Variants in DST observed in about 807,000 individuals in gnomAD.
The protein encoded by DST is dystonin, also known as bullous pemphigoid antigen.
DST carries 253 observed loss-of-function variants against 875.2 expected under a neutral mutation model. That is an observed-to-expected ratio of 0.29 (90% CI 0.26 to 0.32). The LOEUF is 0.32. Ranked by LOEUF, DST falls within the 10% of genes least tolerant of loss-of-function variation. The pLI is 1.00. For synonymous variants in DST, 3,124 were observed against 3,197.1 expected (o/e 0.98, Z 0.77); for missense variants, 8,287 against 9,111.6 (o/e 0.91, Z 3.68).
chr6:56,495,853 G>A (rs1470376635), intron 82 of DST, among the ~76,000 whole-genome samples: 4 of 152,028 alleles, frequency 2.6e-5, no homozygotes, highest in African/African-American at 9.7e-5. Context: ...AAATAAATAT[G>A]ATGCTACCTA....
rs760581388 is a variant in DST at position 56,530,145 on chromosome 6, C to T, written c.17109-12G>A. The T allele has an allele frequency of 3.2e-5, 50 of 1,558,442 alleles. No homozygotes were observed. Among genetic ancestry groups the T allele is most frequent in the Non-Finnish European group, 4.3e-5 (50 of 1,155,706 alleles). On this transcript the variant is annotated splice_polypyrimidine_tract_variant and intron_variant, in intron 64 of 103. Transcript: ENST00000680361. ...CCAACTGACGATTCCTACAAATGTG[C>T]CAAAAGGTCATTTAGGGATGAAGAA...
At chr6:56,670,910 A>G in intron 9 of DST, 103 bp from the exon 10 acceptor site, 1 of 628,190 alleles carries the variant, frequency 1.6e-6, no homozygotes, top group Non-Finnish European at 2.6e-6. Flanking sequence ...AGATTAGGAT[A>G]ATAACAATTC....
intron 89 of DST, 120 bp from the exon 90 acceptor site, chr6:56,482,298 A>C: frequency 8.8e-7 from 1 of 1,135,098 alleles, no homozygotes; most frequent in Non-Finnish European, 1.2e-6. Context: ...TTTAAATTTA[A>C]TTGCTTCATT....
chr6:56,560,519 G>A (rs2097522025), intron 57 of DST, 96 bp from the exon 58 acceptor site: 7 of 1,312,682 alleles, frequency 5.3e-6, no homozygotes, highest in Admixed American at 5.0e-5. Flanking sequence ...AATGAAAAGA[G>A]GAAAAAATCT....
intron 5 of DST, among the ~76,000 whole-genome samples, chr6:56,733,592 G>T (rs1301811874): frequency 6.6e-6 from 1 of 152,196 alleles, no homozygotes; most frequent in African/African-American, 2.4e-5. Context: ...CACAAATAAT[G>T]AATTGCAAAG....
intron 4 of DST, among the ~76,000 whole-genome samples, chr6:56,736,480 T>C (rs965113385): frequency 1.3e-5 from 2 of 152,176 alleles, no homozygotes; most frequent in African/African-American, 2.4e-5. Flanking sequence ...TACTTTCTTA[T>C]TTCCTTCTTC....
At chr6:56,777,658 T>A (rs2099681774) in intron 4 of DST, among the ~76,000 whole-genome samples, 1 of 151,944 alleles carries the variant, frequency 6.6e-6, no homozygotes, top group Admixed American at 6.6e-5. Flanking sequence ...GGGGTCTCTG[T>A]CATATGAAGT....
intron 2 of DST, among the ~76,000 whole-genome samples, chr6:56,934,636 T>C (rs1182296859): frequency 1.5e-5 from 2 of 137,848 alleles, no homozygotes; most frequent in African/African-American, 5.4e-5. Context: ...GAATATGACA[T>C]GGAGAGAGAG....
At chr6:56,630,118 G>A in intron 31 of DST, 127 bp downstream of exon 31, 1 of 742,126 alleles carries the variant, frequency 1.3e-6, no homozygotes, top group East Asian at 2.5e-5. Context: ...TGAGATCACA[G>A]AGACACAAAT....
At chr6:56,704,400 T>C (rs375224611) in intron 5 of DST, 31 bp from the exon 6 acceptor site, 11 of 1,038,766 alleles carry the variant, frequency 1.1e-5, no homozygotes, top group East Asian at 2.6e-5. Flanking sequence ...TTTGGGGTCC[T>C]AGAACTCAGA....
At chr6:56,562,276 A>T (rs13205807) in intron 55 of DST, 76 bp from the exon 56 acceptor site, 2 of 959,692 alleles carry the variant, frequency 2.1e-6, no homozygotes, top group Non-Finnish European at 3.0e-6. Context: ...GCATTAAATC[A>T]AACCCCATCA....
chr6:56,922,628 C>T (rs1804895956), intron 2 of DST, among the ~76,000 whole-genome samples: 1 of 152,082 alleles, frequency 6.6e-6, no homozygotes, highest in South Asian at 2.1e-4. Context: ...AAAATGGGGC[C>T]CCAATTTGAG....
Position 56,526,439 on chromosome 6 carries a change from A to C in DST, c.18051T>G (p.Asn6017Lys). 3.7e-6 allele frequency: 6 copies of C among 1,613,836 alleles called. No homozygotes were observed. Among genetic ancestry groups the C allele is most frequent in the Non-Finnish European group, 5.1e-6 (6 of 1,179,810 alleles). The part of the protein sequence containing the change: ...EGLEKMVAED[N>K]ERYRLVSDTI... ...TGTCGCTCACTAATCGGTAGCGCTC[A>C]TTGTCCTCAGCTACCATTTTCTCAA... is the stretch of plus-strand genomic sequence containing the variant. Residue 6017 changes from asparagine (N) to lysine (K), a missense_variant, in exon 69 of 104, where the codon AAT (asparagine) becomes AAG (lysine). Asn to Lys is a moderately conservative substitution (Grantham distance 94). Around this residue, in one of 10 missense-constraint regions of DST, gnomAD observed 777 missense variants for 764.8 expected, o/e 1.02. Transcript: ENST00000680361.
chr6:56,767,493 T>C (rs1348214950), intron 4 of DST, among the ~76,000 whole-genome samples: 4 of 152,068 alleles, frequency 2.6e-5, no homozygotes, highest in African/African-American at 9.7e-5. Context: ...GTTGCACATC[T>C]GTAATCCTAG....
Position 56,606,060 on chromosome 6 carries a change from T to G in DST, c.8568A>C (p.Thr2856=), listed in dbSNP as rs762090448. 1 of 1,613,000 alleles carries G rather than the reference T, an allele frequency of 6.2e-7. No individual in the cohort carries two copies. Among genetic ancestry groups the G allele is most frequent in the Non-Finnish European group, 8.5e-7 (1 of 1,179,246 alleles). ...ENSDENENIN[T]MILLDKMHSC... The stretch of plus-strand genomic sequence containing the variant: ...TGTGCATTTTATCCAGAAGAATCAT[T>G]GTATTAATATTTTCATTTTCATCAC... Residue 2856 remains threonine (T), a synonymous_variant, in exon 40 of 104, where the codon ACA becomes ACC. Coordinates refer to ENST00000680361, the MANE Select transcript of DST (RefSeq NM_001374736.1).
chr6:56,852,379 G>A (rs1361319209), intron 3 of DST, among the ~76,000 whole-genome samples: 2 of 152,218 alleles, frequency 1.3e-5, no homozygotes, highest in Non-Finnish European at 2.9e-5. Flanking sequence ...GAATGATGCT[G>A]CGCAGTGACA....
intron 4 of DST, among the ~76,000 whole-genome samples, chr6:56,815,115 T>C (rs540417480): frequency 2.6e-5 from 4 of 152,280 alleles, no homozygotes; most frequent in South Asian, 2.1e-4. Flanking sequence ...AAAATTATAA[T>C]GTTTACTGCA....
At chr6:56,889,285 T>A (rs1211338015) in intron 3 of DST, among the ~76,000 whole-genome samples, 1 of 152,206 alleles carries the variant, frequency 6.6e-6, no homozygotes, top group African/African-American at 2.4e-5. Context: ...ACTTCACATA[T>A]CCAAATCAGA....
In DST at chr6:56,779,963, A is replaced by G. The variant is rs185683464; in HGVS notation, c.626-44674T>C. ...ATTGTTCAATTCCCATCTATGAGTGAGAACATGGGGTGTTTGGTTTTTTGT... is the reference window on the plus strand; with the variant it reads ...ATTGTTCAATTCCCATCTATGAGTGGGAACATGGGGTGTTTGGTTTTTTGT... On this transcript the variant is annotated intron_variant, in intron 4 of 103. Transcript: ENST00000680361. 4.0e-3 allele frequency among the ~76,000 whole-genome samples: 568 copies of G among 141,090 alleles called. 25 individuals carry two copies. In the East Asian group the frequency reaches 0.098, roughly 24 times the overall value. The allele number at this position is 141,090 out of a possible 152,430, so 92.6% of individuals were successfully genotyped here. A position where few individuals can be genotyped will look rare whatever the true frequency, so the allele number is the denominator to read the frequency against.
Sources: allele counts gnomAD v4.1 joint callset (sites outside exome capture counted in the v4.1 genomes callset), GRCh38; gene constraint gnomAD v4.1.1; regional missense constraint gnomAD v4.1.1; transcripts MANE v1.5; gene names NCBI Gene and HGNC (gene_info 2026-07-23, HGNC 2026-07-21).